The following MGAT4C variants were observed in gnomAD, a reference collection of about 807,000 sequenced individuals.
The protein encoded by MGAT4C is MGAT4 family member C, also known as alpha-1,3-mannosyl-glycoprotein 4-beta-N-acetylglucosaminyltransferase C.
In MGAT4C, 19 loss-of-function variants were observed where a neutral mutation model predicts 40.1. That is an observed-to-expected ratio of 0.47 (90% CI 0.33 to 0.70). MGAT4C has a LOEUF of 0.70. Ranked by LOEUF, MGAT4C falls within the 30% of genes least tolerant of loss-of-function variation. The pLI, the probability that MGAT4C is intolerant of heterozygous loss-of-function variation, is 0.02. For synonymous variants in MGAT4C, 181 were observed against 187.1 expected, an observed-to-expected ratio of 0.97 and a Z score of 0.27; for missense variants, 491 against 563.2, an observed-to-expected ratio of 0.87 and a Z score of 1.30.
At chr12:86,513,941 T>C (rs115004326) in intron 2 of MGAT4C, among the ~76,000 whole-genome samples, 2 of 151,894 alleles carry the variant, frequency 1.3e-5, no homozygotes, top group African/African-American at 4.8e-5. Flanking sequence ...AAAGGGGGCA[T>C]AAAGGATTTG....
At chr12:86,825,568 C>T (rs530446830) in intron 1 of MGAT4C, among the ~76,000 whole-genome samples, 157 of 151,376 alleles carry the variant, frequency 1.0e-3, no homozygotes, top group African/African-American at 3.7e-3. Context: ...CTATATATCA[C>T]ATAAGAGCTT....
chr12:86,580,107 T>A (rs769379958), intron 2 of MGAT4C, among the ~76,000 whole-genome samples: 47 of 151,478 alleles, frequency 3.1e-4, no homozygotes, highest in Non-Finnish European at 2.2e-4. Context: ...TTAAAACTTA[T>A]TTCTACCCCT....
chr12:86,746,389 T>C (rs1054726212), intron 1 of MGAT4C, among the ~76,000 whole-genome samples: 1 of 151,584 alleles, frequency 6.6e-6, no homozygotes, highest in Non-Finnish European at 1.5e-5. Context: ...TTTATGTTGC[T>C]CAGGAGACCA....
At chr12:86,066,725 G>A (rs1010312680) in intron 1 of MGAT4C, among the ~76,000 whole-genome samples, 2 of 152,116 alleles carry the variant, frequency 1.3e-5, no homozygotes, top group African/African-American at 2.4e-5. Context: ...CTAATTAAAC[G>A]AAAGAGTTTC....
intron 1 of MGAT4C, among the ~76,000 whole-genome samples, chr12:86,105,519 T>C (rs1875992705): frequency 1.3e-5 from 2 of 152,164 alleles, no homozygotes; most frequent in Admixed American, 6.5e-5. Flanking sequence ...GTTACACATA[T>C]TGTGCAGCAT....
chr12:86,226,170 T>C (rs914089184), intron 1 of MGAT4C, among the ~76,000 whole-genome samples: 4 of 151,610 alleles, frequency 2.6e-5, no homozygotes, highest in Non-Finnish European at 5.9e-5. Context: ...GTATATGCGC[T>C]ATAATATAAT....
rs529257062 is a variant in MGAT4C, at chr12:86,166,706, C to T, written c.-57+89533G>A. Among the ~76,000 whole-genome samples the T allele has an allele frequency of 3.9e-5, 6 of 152,284 alleles. No homozygotes were observed. The East Asian group carries it at 7.7e-4, about 20-fold the overall frequency. On this transcript the variant is annotated intron_variant, in intron 1 of 4. Coordinates refer to ENST00000611864, the MANE Select transcript of MGAT4C (RefSeq NM_001351288.2). ...ATTAAATAACTATGGTTAGACATTT[C>T]TTAACATATATGGTGTAACAATACG...
At chr12:86,665,558 T>A (rs1261237753) in intron 2 of MGAT4C, among the ~76,000 whole-genome samples, 14 of 152,018 alleles carry the variant, frequency 9.2e-5, no homozygotes, top group Admixed American at 9.2e-4. Context: ...TTTGTATTTT[T>A]AGTAGAGATG....
At chr12:86,731,642 G>C (rs574803028) in intron 1 of MGAT4C, among the ~76,000 whole-genome samples, 85 of 151,500 alleles carry the variant, frequency 5.6e-4, no homozygotes, top group Non-Finnish European at 6.3e-4. Flanking sequence ...GTTTCCTTAG[G>C]TGTTTTGTGA....
At chr12:86,590,517 T>C (rs1458971896) in intron 2 of MGAT4C, among the ~76,000 whole-genome samples, 1 of 152,042 alleles carries the variant, frequency 6.6e-6, no homozygotes, top group Non-Finnish European at 1.5e-5. Context: ...GTCAATTTAA[T>C]TCCAAAGCTC....
chr12:86,837,720 A>G (rs994586700), intron 1 of MGAT4C, among the ~76,000 whole-genome samples: 3 of 152,158 alleles, frequency 2.0e-5, no homozygotes, highest in African/African-American at 7.2e-5. Context: ...CAAGAGCCCT[A>G]ATACTACATG....
At chr12:86,149,990 C>A (rs1180637335) in intron 1 of MGAT4C, among the ~76,000 whole-genome samples, 1 of 152,142 alleles carries the variant, frequency 6.6e-6, no homozygotes, top group Non-Finnish European at 1.5e-5. Context: ...TGGTCCCCAA[C>A]TTTTTGGCAC....
chr12:86,787,148 AC>A (rs1403495335), intron 1 of MGAT4C, among the ~76,000 whole-genome samples: 10 of 151,856 alleles, frequency 6.6e-5, no homozygotes, highest in African/African-American at 2.4e-4. Flanking sequence ...CTCATCCCTT[AC>A]CCCCCTCACA....
At chr12:86,677,690 T>C (rs1471378843) in intron 2 of MGAT4C, among the ~76,000 whole-genome samples, 1 of 152,124 alleles carries the variant, frequency 6.6e-6, no homozygotes, top group Non-Finnish European at 1.5e-5. Context: ...TCTATAAATA[T>C]ACCATGGTAA....
chr12:86,209,793 T>C (rs1950388543), intron 1 of MGAT4C, among the ~76,000 whole-genome samples: 1 of 152,176 alleles, frequency 6.6e-6, no homozygotes, highest in Non-Finnish European at 1.5e-5. Context: ...CACTGTACCA[T>C]ATGCTTCCTA....
At chr12:86,692,491 TAA>T (rs1346205827) in intron 2 of MGAT4C, among the ~76,000 whole-genome samples, 1 of 152,140 alleles carries the variant, frequency 6.6e-6, no homozygotes, top group Non-Finnish European at 1.5e-5. Context: ...CTCAATTTTG[TAA>T]AGAGTTTATT....
chr12:86,319,866 TA>T (rs145905539), intron 4 of MGAT4C, among the ~76,000 whole-genome samples: 1,957 of 152,212 alleles, frequency 0.013, 21 homozygotes, highest in East Asian at 0.046. Flanking sequence ...TAGGATTCAA[TA>T]AATGATAAAA....
chr12:86,268,705 A>G (rs1303202603), intron 4 of MGAT4C, among the ~76,000 whole-genome samples: 1 of 147,870 alleles, frequency 6.8e-6, no homozygotes, highest in Admixed American at 6.8e-5. Flanking sequence ...ATACACATAT[A>G]TATATATACA....
intron 1 of MGAT4C, among the ~76,000 whole-genome samples, chr12:86,165,948 T>C (rs1886148161): frequency 6.6e-6 from 1 of 152,152 alleles, no homozygotes; most frequent in South Asian, 2.1e-4. Context: ...GCTAAATGCT[T>C]GTAGATTATT....
Sources: gnomAD v4.1 joint callset for allele counts (sites outside exome capture counted in the v4.1 genomes callset) on GRCh38, gnomAD v4.1.1 for gene constraint, MANE v1.5 for transcripts, NCBI Gene and HGNC (gene_info 2026-07-23, HGNC 2026-07-21) for gene names.